The following C6 variants were observed in gnomAD, a reference collection of about 807,000 sequenced individuals.
C6 encodes the protein complement component C6.
A neutral mutation model predicts 112.9 loss-of-function variants in C6; 101 were observed. The observed-to-expected ratio is 0.89, with a 90% CI of 0.76 to 1.06. The LOEUF (loss-of-function observed/expected upper bound fraction) is 1.06, where lower values mean the gene tolerates loss of function less well. C6 is among the 50% of genes least tolerant of loss of function. C6 has a pLI of 0.00. For synonymous variants in C6, 431 were observed against 384.1 expected (o/e 1.12, Z -1.43); for missense variants, 1,202 against 1,104.6 (o/e 1.09, Z -1.25).
intron 6 of C6, among the ~76,000 whole-genome samples, chr5:41,182,262 C>T (rs11954878): frequency 0.19 from 28,626 of 150,498 alleles, 3,092 homozygotes; most frequent in South Asian, 0.33. Flanking sequence ...CTTCCCCCCG[C>T]CCCTTTTTTT....
chr5:41,163,310 C>CTTTT (rs35341613), intron 9 of C6, among the ~76,000 whole-genome samples: 22,658 of 134,062 alleles, frequency 0.17, 2,127 homozygotes, highest in South Asian at 0.26. Flanking sequence ...TATCAATGAA[C>CTTTT]TTTTTTTTTT....
chr5:41,189,521 G>T (rs1287966094), intron 5 of C6, among the ~76,000 whole-genome samples: 2 of 151,886 alleles, frequency 1.3e-5, no homozygotes, highest in Non-Finnish European at 2.9e-5. Context: ...TCACATAATT[G>T]TACATATTTA....
chr5:41,245,833 C>T (rs1740989561), intron 1 of C6, among the ~76,000 whole-genome samples: 1 of 152,008 alleles, frequency 6.6e-6, no homozygotes. Context: ...AAAATCCTTG[C>T]TTGATGATAT....
At chr5:41,145,341 T>C (rs1311075696) in intron 17 of C6, among the ~76,000 whole-genome samples, 2 of 152,228 alleles carry the variant, frequency 1.3e-5, no homozygotes, top group Admixed American at 1.3e-4. Flanking sequence ...AGTGCTTTTT[T>C]GGAGAGCAGT....
At chr5:41,237,179 AC>A (rs1451884098) in intron 1 of C6, among the ~76,000 whole-genome samples, 3 of 138,078 alleles carry the variant, frequency 2.2e-5, no homozygotes, top group African/African-American at 8.6e-5. Flanking sequence ...TCCTTCTGAA[AC>A]TTTTCTAATC....
At chr5:41,236,837 A>G (rs1027817276) in intron 1 of C6, among the ~76,000 whole-genome samples, 27 of 128,290 alleles carry the variant, frequency 2.1e-4, no homozygotes, top group Admixed American at 3.2e-4. Flanking sequence ...TAGCAAGACT[A>G]ATAAAGAAAA....
intron 8 of C6, 45 bp downstream of exon 8, chr5:41,176,430 A>G: frequency 6.3e-7 from 1 of 1,591,042 alleles, no homozygotes; most frequent in Non-Finnish European, 8.6e-7. Context: ...AATGTATTGC[A>G]TGCTATCATA....
At chr5:41,257,062 A>G (rs1297951845) in intron 1 of C6, among the ~76,000 whole-genome samples, 1 of 151,940 alleles carries the variant, frequency 6.6e-6, no homozygotes, top group Non-Finnish European at 1.5e-5. Flanking sequence ...CAGTGATTAC[A>G]TGTTCAGGTT....
intron 7 of C6, among the ~76,000 whole-genome samples, chr5:41,178,498 A>T (rs1469847292): frequency 9.5e-5 from 1 of 10,476 alleles, no homozygotes; most frequent in Non-Finnish European, 2.5e-4. Flanking sequence ...TGAGATGGAG[A>T]CAGAGCTAGC....
chr5:41,186,368 T>C (rs1354418252), intron 5 of C6, 160 bp from the exon 6 acceptor site: 2 of 725,006 alleles, frequency 2.8e-6, no homozygotes, highest in Non-Finnish European at 4.6e-6. Context: ...TAGTCCATGG[T>C]GAGGCATGCA....
intron 1 of C6, among the ~76,000 whole-genome samples, chr5:41,232,704 CTTGA>C (rs913680572): frequency 2.6e-5 from 4 of 152,056 alleles, no homozygotes; most frequent in African/African-American, 9.7e-5. Flanking sequence ...ATTACCCTCT[CTTGA>C]TTAATTCCTG....
At chr5:41,150,870 A>C (rs944954229) in intron 15 of C6, among the ~76,000 whole-genome samples, 3 of 145,946 alleles carry the variant, frequency 2.1e-5, no homozygotes, top group African/African-American at 7.8e-5. Context: ...TGGGCAACAG[A>C]GTAAGACTCT....
At chr5:41,243,491 CA>C (rs750650474) in intron 1 of C6, among the ~76,000 whole-genome samples, 1 of 152,120 alleles carries the variant, frequency 6.6e-6, no homozygotes, top group Non-Finnish European at 1.5e-5. Context: ...GCTTTTTGAG[CA>C]GAATTTCTTG....
At chr5:41,223,472 T>G (rs1033038180) in intron 1 of C6, among the ~76,000 whole-genome samples, 1 of 152,194 alleles carries the variant, frequency 6.6e-6, no homozygotes, top group Non-Finnish European at 1.5e-5. Flanking sequence ...ACATGGTACC[T>G]TCATAGCCCT....
intron 2 of C6, 48 bp downstream of exon 2, chr5:41,203,040 C>A: frequency 6.3e-7 from 1 of 1,589,754 alleles, no homozygotes; most frequent in Middle Eastern, 2.0e-4. Flanking sequence ...TGACTTCATC[C>A]TTGAGTCCTT....
intron 15 of C6, among the ~76,000 whole-genome samples, chr5:41,151,677 G>A (rs528209685): frequency 5.9e-5 from 9 of 152,038 alleles, no homozygotes; most frequent in Non-Finnish European, 1.2e-4. Context: ...GTGAGGCGAG[G>A]GGACAGATCC....
intron 13 of C6, 99 bp downstream of exon 13, chr5:41,158,575 A>T: frequency 1.4e-6 from 1 of 737,962 alleles, no homozygotes. Flanking sequence ...TCAATAGGAG[A>T]TTATTCGAAT....
intron 1 of C6, among the ~76,000 whole-genome samples, chr5:41,245,066 A>T (rs892021239): frequency 2.0e-5 from 3 of 151,926 alleles, no homozygotes; most frequent in Admixed American, 6.6e-5. Flanking sequence ...ATTTTTTATA[A>T]TTATTTTTGT....
rs149073694 is a variant in C6, at chr5:41,193,590, A to G, written c.587+2202T>C. On this transcript the variant is annotated intron_variant, in intron 5 of 17. Coordinates refer to ENST00000337836, the MANE Select transcript of C6 (RefSeq NM_000065.5). The stretch of plus-strand genomic sequence containing the variant: ...CTCACAGATCTCACTATTTTGCCAC[A>G]TAGATGAATGTGTCCTTTCAACTGT... Among the ~76,000 whole-genome samples the G allele has an allele frequency of 3.7e-3, 564 of 152,306 alleles. 5 individuals are homozygous for G. The highest frequency in any genetic ancestry group is 0.013 in the African/African-American group (547 of 41,570).
Sources: allele counts gnomAD v4.1 joint callset (sites outside exome capture counted in the v4.1 genomes callset), GRCh38; gene constraint gnomAD v4.1.1; transcripts MANE v1.5; gene names NCBI Gene and HGNC (gene_info 2026-07-23, HGNC 2026-07-21).